The following LGSN variants were observed in gnomAD, a reference collection of about 807,000 sequenced individuals.
LGSN encodes lengsin, lens protein with glutamine synthetase domain.
In LGSN, 21 loss-of-function variants were observed where a neutral mutation model predicts 19.5. The observed-to-expected ratio is 1.07, with a 90% CI of 0.76 to 1.55. The LOEUF (loss-of-function observed/expected upper bound fraction) is 1.55. Ranked by LOEUF, LGSN falls within the 40% of genes most tolerant of loss-of-function variation. The pLI, the probability that LGSN is intolerant of heterozygous loss-of-function variation, is 0.00. For synonymous variants in LGSN, 257 were observed against 215.6 expected, an observed-to-expected ratio of 1.19 and a Z score of -1.68; for missense variants, 673 against 608.5, an observed-to-expected ratio of 1.11 and a Z score of -1.12.
chr6:63,452,857 T>C, the LGSN span, among the ~76,000 whole-genome samples: 6 of 152,208 alleles, frequency 3.9e-5, no homozygotes, highest in South Asian at 6.2e-4. Flanking sequence ...CCCCTTTTTT[T>C]CTAGTATGTT....
the LGSN span, among the ~76,000 whole-genome samples, chr6:63,390,942 A>T: frequency 6.6e-6 from 1 of 151,788 alleles, no homozygotes; most frequent in African/African-American, 2.4e-5. Context: ...CTCTCCATTC[A>T]CTTTCAATTA....
the LGSN span, among the ~76,000 whole-genome samples, chr6:63,337,019 G>A: frequency 5.1e-4 from 77 of 151,384 alleles, no homozygotes; most frequent in Non-Finnish European, 1.0e-3. Context: ...CACCTCCTGG[G>A]TTCAAGGAAT....
the LGSN span, among the ~76,000 whole-genome samples, chr6:63,359,340 G>A: frequency 6.6e-6 from 1 of 152,124 alleles, no homozygotes; most frequent in Non-Finnish European, 1.5e-5. Context: ...GGAAGATGCT[G>A]GCCTCATAAA....
the LGSN span, among the ~76,000 whole-genome samples, chr6:63,482,898 G>A: frequency 5.9e-5 from 9 of 152,074 alleles, no homozygotes; most frequent in East Asian, 2.0e-4. Flanking sequence ...ACGGGGTTTC[G>A]CCATGTTGGC....
chr6:63,393,931 T>C, the LGSN span, among the ~76,000 whole-genome samples: 8 of 152,112 alleles, frequency 5.3e-5, no homozygotes, highest in African/African-American at 7.2e-5. Context: ...CAGGATGAGA[T>C]AGGAGGTCTG....
the LGSN span, among the ~76,000 whole-genome samples, chr6:63,454,347 A>G: frequency 6.6e-6 from 1 of 152,174 alleles, no homozygotes; most frequent in East Asian, 1.9e-4. Flanking sequence ...ATGGACATCA[A>G]TATTAAACCC....
At chr6:63,561,222 A>G in the LGSN span, among the ~76,000 whole-genome samples, 1 of 152,188 alleles carries the variant, frequency 6.6e-6, no homozygotes, top group Non-Finnish European at 1.5e-5. Flanking sequence ...GCTGCATCAC[A>G]TAATACTTGT....
the LGSN span, among the ~76,000 whole-genome samples, chr6:63,569,225 T>A: frequency 5.9e-5 from 9 of 152,340 alleles, no homozygotes; most frequent in East Asian, 1.5e-3. Context: ...TCTTGCCTTC[T>A]GCAGTCTTTC....
At position 63,301,298 on chromosome 6, in the gene LGSN, AT is replaced by A. The variant is rs1459030243; in HGVS notation, c.31-6254del. Among the ~76,000 whole-genome samples, 7 of 152,224 alleles carry A rather than the reference AT, an allele frequency of 4.6e-5. No homozygotes were observed. The South Asian group carries it at 6.2e-4, about 14-fold the overall frequency. ...AGAATGAGACTCTGTCTTAAAAAAA[AT>A]AAATACAATAAAATAAATAATTCTA... On this transcript the variant is annotated intron_variant, in intron 1 of 3. Transcript: ENST00000370657.
At chr6:63,295,189 ACT>A in intron 1 of LGSN, 144 bp from the exon 2 acceptor site, 1 of 683,174 alleles carries the variant, frequency 1.5e-6, no homozygotes, top group Non-Finnish European at 2.5e-6. Flanking sequence ...TCACTTCCAC[ACT>A]CACCTGAATA....
At chr6:63,331,156 A>G in the LGSN span, among the ~76,000 whole-genome samples, 3,960 of 152,272 alleles carry the variant, frequency 0.026, 174 homozygotes, top group African/African-American at 0.091. Flanking sequence ...ATTATCATTA[A>G]TAGGAAGGGG....
At chr6:63,308,611 A>G (rs1450693764) in intron 1 of LGSN, among the ~76,000 whole-genome samples, 1 of 139,990 alleles carries the variant, frequency 7.1e-6, no homozygotes, top group Admixed American at 7.5e-5. Flanking sequence ...TTTAATGTCA[A>G]TACAAAAAAA....
chr6:63,482,226 G>A, the LGSN span, among the ~76,000 whole-genome samples: 1 of 152,008 alleles, frequency 6.6e-6, no homozygotes, highest in African/African-American at 2.4e-5. Context: ...AGCTTCATGA[G>A]AACCTGAACT....
At chr6:63,536,678 A>G in the LGSN span, among the ~76,000 whole-genome samples, 1 of 152,248 alleles carries the variant, frequency 6.6e-6, no homozygotes, top group East Asian at 1.9e-4. Context: ...AGGATAATAA[A>G]TACTCTAAAG....
At chr6:63,414,829 T>G in the LGSN span, among the ~76,000 whole-genome samples, 28 of 151,392 alleles carry the variant, frequency 1.8e-4, no homozygotes, top group African/African-American at 6.8e-4. Context: ...GTGGAAGGAT[T>G]GCTTGAGCCT....
the LGSN span, among the ~76,000 whole-genome samples, chr6:63,510,900 C>T: frequency 2.6e-5 from 4 of 152,078 alleles, no homozygotes; most frequent in African/African-American, 9.7e-5. Context: ...GTCTTAAACT[C>T]TTGACCTCAG....
In LGSN at chr6:63,280,362, A is replaced by T. The variant is rs769198728; in HGVS notation, c.1189T>A (p.Cys397Ser). 1 of 1,614,122 alleles carries T rather than the reference A, an allele frequency of 6.2e-7. No homozygotes were observed. The change falls in exon 4 of 4, where the codon TGT becomes AGT. Residue 397 changes from cysteine to serine, a missense_variant. Transcript: ENST00000370657. ...NDNSCIFNIKCHGEKGTRIEN... is the reference protein window; with the variant it reads ...NDNSCIFNIKSHGEKGTRIEN... Reference sequence around the variant, plus strand: ...ATCCGGGTGCCTTTCTCTCCATGACATTTGATATTAAATATACAGCTGTTG... The same window carrying T: ...ATCCGGGTGCCTTTCTCTCCATGACTTTTGATATTAAATATACAGCTGTTG...
At chr6:63,434,774 A>C in the LGSN span, among the ~76,000 whole-genome samples, 1 of 152,096 alleles carries the variant, frequency 6.6e-6, no homozygotes, top group Non-Finnish European at 1.5e-5. Context: ...GCCAAGCCCA[A>C]CCTGAAACCA....
chr6:63,452,572 A>G, the LGSN span, among the ~76,000 whole-genome samples: 1 of 152,166 alleles, frequency 6.6e-6, no homozygotes, highest in Admixed American at 6.5e-5. Flanking sequence ...AAAAAAATTC[A>G]TAATATATTT....
Sources: allele counts gnomAD v4.1 joint callset (sites outside exome capture counted in the v4.1 genomes callset), GRCh38; gene constraint gnomAD v4.1.1; transcripts MANE v1.5; gene names NCBI Gene and HGNC (gene_info 2026-07-23, HGNC 2026-07-21).